The following PHF3 variants were observed in gnomAD, a reference collection of about 807,000 sequenced individuals.
PHF3 encodes the protein PHD finger protein 3.
In PHF3, 41 loss-of-function variants were observed where a neutral mutation model predicts 178.4. The observed-to-expected ratio is 0.23, with a 90% CI of 0.18 to 0.30. PHF3 has a LOEUF of 0.30. PHF3 is among the 10% of genes least tolerant of loss of function. PHF3 has a pLI of 1.00. For synonymous variants in PHF3, 842 were observed against 800.5 expected (o/e 1.05, Z -0.88); for missense variants, 2,346 against 2,398.1 (o/e 0.98, Z 0.45).
chr6:63,718,387 A>T lies in PHF3; in HGVS notation c.*4679A>T, dbSNP rs1768253339. ...ATTGAGAATGTCAAAGCTTTTGTTT[A>T]TATGGCTTATATCATTATTTAGCAT... On this transcript the variant is annotated 3_prime_UTR_variant, in exon 16 of 16. Transcript: ENST00000262043. Among the ~76,000 whole-genome samples, 1 of 152,046 alleles carries T rather than the reference A, an allele frequency of 6.6e-6. No homozygotes were observed. The highest frequency in any genetic ancestry group is 2.1e-4 in the South Asian group (1 of 4,834).
intron 2 of PHF3, among the ~76,000 whole-genome samples, chr6:63,656,263 C>T (rs990479991): frequency 6.6e-6 from 1 of 152,292 alleles, no homozygotes; most frequent in Middle Eastern, 3.4e-3. Context: ...CTTAGTTGTA[C>T]TTTGCATTGA....
At chr6:63,699,646 C>T (rs1356306581) in intron 8 of PHF3, among the ~76,000 whole-genome samples, 1 of 152,104 alleles carries the variant, frequency 6.6e-6, no homozygotes, top group Non-Finnish European at 1.5e-5. Context: ...GGTTGGAGTG[C>T]AGTGGCGCCA....
Position 63,724,362 on chromosome 6 carries a change from A to G in PHF3, c.*10654A>G, listed in dbSNP as rs530836296. On this transcript the variant is annotated 3_prime_UTR_variant, in exon 16 of 16. Coordinates refer to ENST00000262043, the MANE Select transcript of PHF3 (RefSeq NM_001370348.2). ...ACTACAGAATCAGCATATCAGGGGA[A>G]TTGTATATACATTTTTTTCTGTAGA... Among the ~76,000 whole-genome samples the G allele has an allele frequency of 6.6e-6, 1 of 152,282 alleles. No homozygotes were observed. Among genetic ancestry groups the G allele is most frequent in the Admixed American group, 6.5e-5 (1 of 15,296 alleles).
intron 2 of PHF3, among the ~76,000 whole-genome samples, chr6:63,672,344 T>C (rs2149569782): frequency 6.6e-6 from 1 of 152,364 alleles, no homozygotes; most frequent in South Asian, 2.1e-4. Flanking sequence ...AGTGTATACT[T>C]TATGTCACCA....
intron 13 of PHF3, among the ~76,000 whole-genome samples, chr6:63,708,755 C>T (rs911977435): frequency 7.9e-5 from 12 of 152,104 alleles, no homozygotes; most frequent in African/African-American, 2.9e-4. Flanking sequence ...TGAAATTCAG[C>T]TGTTAATTAT....
chr6:63,700,331 T>C lies in PHF3; in HGVS notation c.2983-19T>C. 1 of 1,227,444 alleles carries C rather than the reference T, an allele frequency of 8.1e-7. No individual in the cohort carries two copies. Among genetic ancestry groups the C allele is most frequent in the Non-Finnish European group, 1.2e-6 (1 of 849,326 alleles). 76.0% of individuals were successfully genotyped at this position (1,227,444 alleles called of 1,614,324 possible). A position where few individuals can be genotyped will look rare whatever the true frequency, so the allele number is the denominator to read the frequency against. On this transcript the variant is annotated intron_variant, in intron 8 of 15. Transcript: ENST00000262043. Reference sequence around the variant, plus strand: ...AAATGTTTGTCTCCCCTTCTATTCCTATTTTAAAATCCTTCCAGATATTAT... The same window carrying C: ...AAATGTTTGTCTCCCCTTCTATTCCCATTTTAAAATCCTTCCAGATATTAT...
rs181350710 is a variant in PHF3 at position 63,718,043 on chromosome 6, T to A, written c.*4335T>A. Among the ~76,000 whole-genome samples, 364 of 152,144 alleles carry A rather than the reference T, an allele frequency of 2.4e-3. 1 individual carries two copies. The highest frequency in any genetic ancestry group is 8.1e-3 in the African/African-American group (336 of 41,556). ...ATCGTCAACACCATTATCACCAGGA[T>A]AGCAAAAATAGGAAGCGGGAATAGT... On this transcript the variant is annotated 3_prime_UTR_variant, in exon 16 of 16. Transcript: ENST00000262043.
At chr6:63,661,253 C>T (rs1040123529) in intron 2 of PHF3, among the ~76,000 whole-genome samples, 1 of 152,016 alleles carries the variant, frequency 6.6e-6, no homozygotes. Context: ...CATACCGGCA[C>T]TAGAATAGTA....
chr6:63,695,869 T>C (rs1405551858), intron 6 of PHF3, among the ~76,000 whole-genome samples: 1 of 152,138 alleles, frequency 6.6e-6, no homozygotes, highest in Non-Finnish European at 1.5e-5. Context: ...GGAAGAAAAT[T>C]GAAAAATTAT....
chr6:63,717,404 A>G lies in PHF3; in HGVS notation c.*3696A>G, dbSNP rs1295915376. Among the ~76,000 whole-genome samples, 1 of 152,140 alleles carries G rather than the reference A, an allele frequency of 6.6e-6. No individual in the cohort carries two copies. Among genetic ancestry groups the G allele is most frequent in the East Asian group, 1.9e-4 (1 of 5,202 alleles). On this transcript the variant is annotated 3_prime_UTR_variant, in exon 16 of 16. Coordinates refer to ENST00000262043, the MANE Select transcript of PHF3 (RefSeq NM_001370348.2). ...GTCAGGCTACAACTTACTAATGACT[A>G]CAAAGAACTATATACACAATCAGGT...
chr6:63,720,489 C>T lies in PHF3; in HGVS notation c.*6781C>T. ...AGATATGTTAGCATTTAGACTATTT[C>T]AGGTAATATAGTAAACAGTTGATTC... On this transcript the variant is annotated 3_prime_UTR_variant, in exon 16 of 16. Transcript: ENST00000262043. 1.3e-6 allele frequency: 1 copy of T among 754,098 alleles called. No homozygotes were observed. Among genetic ancestry groups the T allele is most frequent in the Non-Finnish European group, 2.0e-6 (1 of 491,806 alleles). 46.7% of individuals were successfully genotyped at this position (754,098 alleles called of 1,614,324 possible). A position where few individuals can be genotyped will look rare whatever the true frequency, so the allele number is the denominator to read the frequency against.
Position 63,724,555 on chromosome 6 carries a change from A to G in PHF3, c.*10847A>G, listed in dbSNP as rs556852027. Among the ~76,000 whole-genome samples, 1 of 152,298 alleles carries G rather than the reference A, an allele frequency of 6.6e-6. No individual in the cohort carries two copies. The highest frequency in any genetic ancestry group is 2.1e-4 in the South Asian group (1 of 4,824). On this transcript the variant is annotated 3_prime_UTR_variant, in exon 16 of 16. Transcript: ENST00000262043. ...CTTTGATTAATTTGTGCTTAACAAAATGTTGATAATTTTTATATATCAAAA... is the reference window on the plus strand; with the variant it reads ...CTTTGATTAATTTGTGCTTAACAAAGTGTTGATAATTTTTATATATCAAAA...
chr6:63,660,875 T>C (rs914046673), intron 2 of PHF3, among the ~76,000 whole-genome samples: 2 of 152,178 alleles, frequency 1.3e-5, no homozygotes, highest in African/African-American at 2.4e-5. Flanking sequence ...ACAATGTTGC[T>C]CTCCTGTATT....
intron 2 of PHF3, among the ~76,000 whole-genome samples, chr6:63,677,186 G>A (rs771014338): frequency 6.6e-6 from 1 of 152,078 alleles, no homozygotes; most frequent in Non-Finnish European, 1.5e-5. Context: ...CATGAGCTTC[G>A]GGCTGGAGAA....
chr6:63,705,617 C>T (rs1246400376), intron 11 of PHF3, among the ~76,000 whole-genome samples: 1 of 152,188 alleles, frequency 6.6e-6, no homozygotes, highest in East Asian at 1.9e-4. Flanking sequence ...GGAAAATTGT[C>T]TTCCATGAAA....
chr6:63,712,942 G>T lies in PHF3; in HGVS notation c.5354G>T (p.Arg1785Ile). The change falls in exon 16 of 16, where the codon AGA becomes ATA. Residue 1785 changes from arginine to isoleucine, a missense_variant. By Grantham distance (97) the Arg-to-Ile change is moderately conservative (BLOSUM62 -3). Transcript: ENST00000262043. ...TCTAAAAGCATCACCTTTACTTCCA[G>T]AAGCACCAGCCCCAGAACAAGTACA... is the stretch of plus-strand genomic sequence containing the variant. ...FPSKSITFTS[R>I]STSPRTSTNF... 1 of 1,613,952 alleles carries T rather than the reference G, an allele frequency of 6.2e-7. No individual in the cohort carries two copies. Among genetic ancestry groups the T allele is most frequent in the Non-Finnish European group, 8.5e-7 (1 of 1,179,944 alleles).
In PHF3 at chr6:63,720,497, ATAG is replaced by A; in HGVS notation, c.*6792_*6794del. 1.2e-6 allele frequency: 1 copy of A among 828,650 alleles called. No homozygotes were observed. Among genetic ancestry groups the A allele is most frequent in the South Asian group, 2.1e-5 (1 of 46,624 alleles). 51.3% of individuals were successfully genotyped at this position (828,650 alleles called of 1,614,324 possible). A position where few individuals can be genotyped will look rare whatever the true frequency, so the allele number is the denominator to read the frequency against. On this transcript the variant is annotated 3_prime_UTR_variant, in exon 16 of 16. Transcript: ENST00000262043. Reference sequence around the variant, plus strand: ...TAGCATTTAGACTATTTCAGGTAATATAGTAAACAGTTGATTCCCCGTAAGCAA... The same window carrying A: ...TAGCATTTAGACTATTTCAGGTAATATAAACAGTTGATTCCCCGTAAGCAA...
Position 63,684,781 on chromosome 6 carries a change from A to G in PHF3, c.1059A>G (p.Pro353=). 6.2e-7 allele frequency: 1 copy of G among 1,614,082 alleles called. No individual in the cohort carries two copies. Among genetic ancestry groups the G allele is most frequent in the Non-Finnish European group, 8.5e-7 (1 of 1,179,944 alleles). ...CTAGTGATGCTGCTTGTACAAATCC[A>G]AATAAGACAGAAAACAGCCTTGTAG... ...DISSDAACTN[P]NKTENSLVGL... The change falls in exon 4 of 16, where the codon CCA becomes CCG. Residue 353 remains proline (P), a synonymous_variant. Coordinates refer to ENST00000262043, the MANE Select transcript of PHF3 (RefSeq NM_001370348.2).
chr6:63,680,318 TAA>T (rs1388827043), intron 3 of PHF3, among the ~76,000 whole-genome samples, 157 bp downstream of exon 3: 3 of 151,806 alleles, frequency 2.0e-5, no homozygotes, highest in South Asian at 2.1e-4. Context: ...ATTTGTTGTA[TAA>T]GTTTTCAGTA....
Sources: allele counts gnomAD v4.1 joint callset (sites outside exome capture counted in the v4.1 genomes callset), GRCh38; gene constraint gnomAD v4.1.1; transcripts MANE v1.5; gene names NCBI Gene and HGNC (gene_info 2026-07-23, HGNC 2026-07-21).